Variants in RECK observed in about 807,000 individuals in gnomAD.
RECK encodes the protein reversion inducing cysteine rich protein with kazal motifs, also known as reversion-inducing cysteine-rich protein with Kazal motifs.
A neutral mutation model predicts 115.1 loss-of-function variants in RECK; 69 were observed. That is an observed-to-expected ratio of 0.60 (90% confidence interval 0.49 to 0.73). RECK has a LOEUF of 0.73. RECK is among the 30% of genes least tolerant of loss of function. RECK has a pLI of 0.00. For synonymous variants in RECK, 414 were observed against 419.7 expected (o/e 0.99, Z 0.17); for missense variants, 1,047 against 1,203.7 (o/e 0.87, Z 1.93).
At chr9:36,099,761 A>G (rs1412058628) in intron 10 of RECK, among the ~76,000 whole-genome samples, 1 of 152,114 alleles carries the variant, frequency 6.6e-6, no homozygotes, top group Non-Finnish European at 1.5e-5. Context: ...CTAGGATTGC[A>G]GGTGTGAGCC....
chr9:36,110,749 A>C (rs1027205528), intron 15 of RECK, among the ~76,000 whole-genome samples: 1 of 144,302 alleles, frequency 6.9e-6, no homozygotes, highest in Non-Finnish European at 1.5e-5. Flanking sequence ...ACACTGCTGC[A>C]GTGGCAACTT....
chr9:36,093,964 A>G (rs1823250178), intron 10 of RECK, among the ~76,000 whole-genome samples: 1 of 152,150 alleles, frequency 6.6e-6, no homozygotes, highest in Non-Finnish European at 1.5e-5. Flanking sequence ...CCCAAGTAGT[A>G]TCCTTAAAGT....
intron 14 of RECK, among the ~76,000 whole-genome samples, chr9:36,108,860 A>G (rs1001408824): frequency 6.6e-6 from 1 of 151,946 alleles, no homozygotes; most frequent in African/African-American, 2.4e-5. Flanking sequence ...ATTTCAAACA[A>G]TTGTGAAAAA....
Position 36,100,562 on chromosome 9 carries a change from A to G in RECK, c.1298+19A>G. ...TTTGCAAGTAAGTTTCTTTCATCCT[A>G]ACGATTCTCCAGCTTTAGTTCAGAC... On this transcript the variant is annotated intron_variant, in intron 11 of 20. Coordinates refer to ENST00000377966, the MANE Select transcript of RECK (RefSeq NM_021111.3). The G allele has an allele frequency of 6.3e-7, 1 of 1,583,066 alleles. No individual in the cohort carries two copies.
In RECK at chr9:36,112,311, C is replaced by G. The variant is rs765790411; in HGVS notation, c.1895C>G (p.Pro632Arg). 1.9e-6 allele frequency: 3 copies of G among 1,612,812 alleles called. No individual in the cohort carries two copies. In the African/African-American group the frequency reaches 4.0e-5, roughly 22 times the overall value. Reference protein sequence around the residue: ...EDDRRTFTGLPCNCADQFVPV... With the variant: ...EDDRRTFTGLRCNCADQFVPV... The stretch of plus-strand genomic sequence containing the variant: ...GGCTGTTTCCTCTCCTCAGGTCTGC[C>G]CTGTAACTGTGCAGATCAGTTTGTC... The change falls in exon 16 of 21, where the codon CCC (proline) becomes CGC (arginine). Residue 632 changes from proline (P) to arginine (R), a missense_variant. Transcript: ENST00000377966.
At chr9:36,055,203 A>G (rs898725363) in intron 2 of RECK, among the ~76,000 whole-genome samples, 1 of 152,174 alleles carries the variant, frequency 6.6e-6, no homozygotes, top group Non-Finnish European at 1.5e-5. Flanking sequence ...AAGTGTGATT[A>G]CTAGTTGTTT....
chr9:36,105,221 G>A lies in RECK; in HGVS notation c.1514G>A (p.Cys505Tyr). 1 of 1,614,092 alleles carries A rather than the reference G, an allele frequency of 6.2e-7. No individual in the cohort carries two copies. The highest frequency in any genetic ancestry group is 8.5e-7 in the Non-Finnish European group (1 of 1,179,936). ...AATCCTTGCCCTGCCAATGAGCTCT[G>A]TGAAGTAAACCGAAAAGGATGTCCA... ...NPNPCPANEL[C>Y]EVNRKGCPSG... The change falls in exon 13 of 21, where the codon TGT (cysteine) becomes TAT (tyrosine). Residue 505 changes from cysteine to tyrosine, a missense_variant. By Grantham distance (194) the Cys-to-Tyr change is radical (BLOSUM62 -2). Coordinates refer to ENST00000377966, the MANE Select transcript of RECK (RefSeq NM_021111.3).
chr9:36,121,283 G>C (rs1018535129), intron 19 of RECK, among the ~76,000 whole-genome samples: 1 of 152,162 alleles, frequency 6.6e-6, no homozygotes, highest in African/African-American at 2.4e-5. Flanking sequence ...CTCTACCTCA[G>C]AACAGTCACT....
intron 13 of RECK, among the ~76,000 whole-genome samples, chr9:36,107,305 A>G (rs1823859283): frequency 6.6e-6 from 1 of 151,964 alleles, no homozygotes; most frequent in African/African-American, 2.4e-5. Flanking sequence ...TTCTAAAAAT[A>G]CTGGCCAGGC....
At chr9:36,091,588 C>A (rs113617912) in intron 10 of RECK, among the ~76,000 whole-genome samples, 3 of 152,276 alleles carry the variant, frequency 2.0e-5, no homozygotes, top group African/African-American at 7.2e-5. Flanking sequence ...TGCCGTCAGT[C>A]CCCTCTCCCT....
chr9:36,114,874 T>C (rs756707288), intron 16 of RECK, among the ~76,000 whole-genome samples: 10 of 148,710 alleles, frequency 6.7e-5, no homozygotes, highest in Non-Finnish European at 1.3e-4. Context: ...CAAAAAACAC[T>C]AAAAGAAAGA....
chr9:36,105,744 A>C (rs1823777300), intron 13 of RECK, among the ~76,000 whole-genome samples: 1 of 152,222 alleles, frequency 6.6e-6, no homozygotes, highest in African/African-American at 2.4e-5. Flanking sequence ...CTATCTCCAT[A>C]AAGATTAATG....
rs1439350702 is a variant in RECK, at chr9:36,037,079, C to T, written c.81C>T (p.Gly27=). ...CGGGGGTCGCGGAGGTGGCAGGGGG[C>T]CTGGCTCCGGGCAGTGCGGGTGAGT... The part of the protein sequence containing the change: ...AVAGVAEVAG[G]LAPGSAGALC... Residue 27 remains glycine (G), a synonymous_variant, in exon 1 of 21, where the codon GGC becomes GGT. Transcript: ENST00000377966. The T allele has an allele frequency of 1.5e-6, 2 of 1,376,410 alleles. No individual in the cohort carries two copies. The highest frequency in any genetic ancestry group is 1.7e-5 in the South Asian group (1 of 60,458). 85.3% of individuals were successfully genotyped at this position (1,376,410 alleles called of 1,614,324 possible). A position where few individuals can be genotyped will look rare whatever the true frequency, so the allele number is the denominator to read the frequency against.
chr9:36,087,956 A>C lies in RECK; in HGVS notation c.900A>C (p.Thr300=). 1 of 1,609,210 alleles carries C rather than the reference A, an allele frequency of 6.2e-7. No homozygotes were observed. Among genetic ancestry groups the C allele is most frequent in the Non-Finnish European group, 8.5e-7 (1 of 1,176,752 alleles). ...GTTGTTCTAAAGCAAACACTTCAACATGTAGGTTAGTATTTCATTTTCCTT... is the reference window on the plus strand; with the variant it reads ...GTTGTTCTAAAGCAAACACTTCAACCTGTAGGTTAGTATTTCATTTTCCTT... ...LHCCSKANTS[T]CRELCTKLYS... The change falls in exon 9 of 21, where the codon ACA becomes ACC. Residue 300 remains threonine, a synonymous_variant. Coordinates refer to ENST00000377966, the MANE Select transcript of RECK (RefSeq NM_021111.3).
intron 10 of RECK, among the ~76,000 whole-genome samples, chr9:36,099,230 AC>A (rs1823470219): frequency 1.2e-5 from 1 of 81,008 alleles, no homozygotes; most frequent in Non-Finnish European, 2.4e-5. Context: ...TGTCTCAACA[AC>A]AACAACAACA....
Position 36,120,702 on chromosome 9 carries a change from T to C in RECK, c.2504T>C (p.Leu835Ser), listed in dbSNP as rs1260413920. Residue 835 changes from leucine to serine, a missense_variant, in exon 19 of 21, where the codon TTA becomes TCA. Transcript: ENST00000377966. ...TTATGTGCTGGGATGTTAAGAGTTT[T>C]ATTTGACAAAGAAAAACTGGATACT... ...CPLCAGMLRV[L>S]FDKEKLDTIA... 5 of 1,613,590 alleles carry C rather than the reference T, an allele frequency of 3.1e-6. No individual in the cohort carries two copies. The highest frequency in any genetic ancestry group is 1.3e-5 in the African/African-American group (1 of 74,932).
chr9:36,045,474 A>T (rs946020006), intron 1 of RECK, among the ~76,000 whole-genome samples: 1 of 152,030 alleles, frequency 6.6e-6, no homozygotes, highest in Non-Finnish European at 1.5e-5. Context: ...GAAGTGTGTA[A>T]TACACACTCA....
At chr9:36,108,216 T>C in intron 14 of RECK, 52 bp downstream of exon 14, 1 of 1,346,470 alleles carries the variant, frequency 7.4e-7, no homozygotes. Context: ...TTATTTTTAC[T>C]TTGTAGGAAG....
At chr9:36,060,361 C>A (rs1323298716) in intron 4 of RECK, among the ~76,000 whole-genome samples, 3 of 152,104 alleles carry the variant, frequency 2.0e-5, no homozygotes, top group African/African-American at 7.2e-5. Flanking sequence ...AAGTGATCAT[C>A]CTGCCTTGGC....
Sources: allele counts gnomAD v4.1 joint callset (sites outside exome capture counted in the v4.1 genomes callset), GRCh38; gene constraint gnomAD v4.1.1; transcripts MANE v1.5; gene names NCBI Gene and HGNC (gene_info 2026-07-23, HGNC 2026-07-21).